Variants in FOCAD observed in about 807,000 individuals in gnomAD.
The protein encoded by FOCAD is KIAA1797.
FOCAD carries 198 observed loss-of-function variants against 225.6 expected under a neutral mutation model. That is an observed-to-expected ratio of 0.88 (90% CI 0.78 to 0.99). FOCAD has a LOEUF of 0.99. FOCAD is among the 50% of genes least tolerant of loss of function. The probability of loss-of-function intolerance (pLI) is 0.00; values close to 1 mark genes in which losing one functional copy is unlikely to be tolerated. For synonymous variants in FOCAD, 897 were observed against 755.0 expected (o/e 1.19, Z -3.08); for missense variants, 2,713 against 2,123.6 (o/e 1.28, Z -5.46).
intron 1 of FOCAD, among the ~76,000 whole-genome samples, chr9:20,714,853 C>A (rs1445511347): frequency 6.6e-6 from 1 of 152,080 alleles, no homozygotes; most frequent in Non-Finnish European, 1.5e-5. Flanking sequence ...CTTTTCTATA[C>A]TTCTTGAAAA....
chr9:20,834,670 CTA>C (rs1180063973), intron 15 of FOCAD, among the ~76,000 whole-genome samples: 2 of 152,088 alleles, frequency 1.3e-5, no homozygotes, highest in African/African-American at 2.4e-5. Flanking sequence ...CAAAACTAAT[CTA>C]TGTGTGTAGA....
chr9:20,708,359 C>T (rs1401599921), intron 1 of FOCAD, among the ~76,000 whole-genome samples: 1 of 152,048 alleles, frequency 6.6e-6, no homozygotes, highest in African/African-American at 2.4e-5. Context: ...AAGAAAAGTC[C>T]TGGATTTTGT....
In FOCAD at chr9:20,677,497, A is replaced by G. The variant is rs191060047; in HGVS notation, c.-77-17023A>G. Among the ~76,000 whole-genome samples the G allele has an allele frequency of 4.9e-4, 75 of 152,330 alleles. No homozygotes were observed. The East Asian group carries it at 9.6e-3, about 20-fold the overall frequency. ...TAAAGGGTTAATATAGAAAATACAAAGAATTCAGCTTAATAGCAAAAAAAC... is the reference window on the plus strand; with the variant it reads ...TAAAGGGTTAATATAGAAAATACAAGGAATTCAGCTTAATAGCAAAAAAAC... On this transcript the variant is annotated intron_variant, in intron 2 of 45. Transcript: ENST00000380249.
At chr9:20,758,926 A>G (rs1266638863) in intron 6 of FOCAD, among the ~76,000 whole-genome samples, 1 of 152,188 alleles carries the variant, frequency 6.6e-6, no homozygotes, top group African/African-American at 2.4e-5. Context: ...AAGTCTCAGG[A>G]TACAAACTCA....
chr9:20,878,905 G>A (rs1830447388), intron 19 of FOCAD, among the ~76,000 whole-genome samples: 1 of 152,152 alleles, frequency 6.6e-6, no homozygotes, highest in South Asian at 2.1e-4. Flanking sequence ...GTTGAGCCTG[G>A]AGTTCTGATG....
At chr9:20,771,823 TG>T (rs1440643303) in intron 8 of FOCAD, among the ~76,000 whole-genome samples, 1 of 152,174 alleles carries the variant, frequency 6.6e-6, no homozygotes, top group Non-Finnish European at 1.5e-5. Flanking sequence ...AAGCACAGGG[TG>T]CTGGCTGATT....
At chr9:20,848,762 C>T (rs931189928) in intron 15 of FOCAD, among the ~76,000 whole-genome samples, 6 of 151,834 alleles carry the variant, frequency 4.0e-5, no homozygotes, top group African/African-American at 1.5e-4. Context: ...ACCAGGGGCA[C>T]TATGTCATGT....
chr9:20,922,591 C>T (rs1024773708), intron 24 of FOCAD, among the ~76,000 whole-genome samples: 1 of 152,180 alleles, frequency 6.6e-6, no homozygotes, highest in African/African-American at 2.4e-5. Flanking sequence ...GTACTAGGCT[C>T]ATTTAGGGAG....
chr9:20,980,335 C>G (rs1318601680), intron 37 of FOCAD, among the ~76,000 whole-genome samples: 1 of 152,090 alleles, frequency 6.6e-6, no homozygotes, highest in Non-Finnish European at 1.5e-5. Flanking sequence ...GAGTTCAAAG[C>G]CCTGTTCTAT....
At chr9:20,951,934 C>T (rs182225056) in intron 34 of FOCAD, among the ~76,000 whole-genome samples, 5 of 152,162 alleles carry the variant, frequency 3.3e-5, no homozygotes, top group African/African-American at 7.2e-5. Flanking sequence ...ATGGCATTAA[C>T]GTAAATGTGG....
intron 11 of FOCAD, among the ~76,000 whole-genome samples, chr9:20,794,592 G>C (rs4333699): frequency 0.88 from 133,985 of 152,226 alleles, 59,089 homozygotes; most frequent in African/African-American, 0.93. Flanking sequence ...TGTTAGGACC[G>C]TCTGAAAGCT....
intron 10 of FOCAD, 36 bp downstream of exon 10, chr9:20,781,965 G>T: frequency 6.3e-7 from 1 of 1,583,124 alleles, no homozygotes; most frequent in Non-Finnish European, 8.7e-7. Context: ...TAAATAAAGT[G>T]TCGATGTGGG....
At chr9:20,880,576 A>G (rs1021539673) in intron 19 of FOCAD, among the ~76,000 whole-genome samples, 1 of 152,200 alleles carries the variant, frequency 6.6e-6, no homozygotes, top group African/African-American at 2.4e-5. Context: ...GATAGAGGAT[A>G]GATAAGAAGG....
At chr9:20,714,634 G>GCCTTCCTT (rs749635014) in intron 1 of FOCAD, among the ~76,000 whole-genome samples, 9 of 120,120 alleles carry the variant, frequency 7.5e-5, no homozygotes, top group East Asian at 2.4e-4. Context: ...CTGCCTGCCT[G>GCCTTCCTT]CCTTCCTTCC....
Position 20,953,059 on chromosome 9 carries a change from A to T in FOCAD, c.4126A>T (p.Lys1376Ter), listed in dbSNP as rs1384866079. The T allele has an allele frequency of 8.7e-6, 14 of 1,612,032 alleles. No individual in the cohort carries two copies. Among genetic ancestry groups the T allele is most frequent in the Non-Finnish European group, 1.2e-5 (14 of 1,179,068 alleles). Residue 1376 changes from lysine (K) to a stop codon, truncating the protein, a stop_gained, in exon 35 of 44, where the codon AAA becomes TAA. Coordinates refer to ENST00000338382, the MANE Select transcript of FOCAD (RefSeq NM_001375567.1). LOFTEE classifies it high-confidence loss of function. ...AAIGFFITGGKKGPESVPPSL... is the reference protein window; with the variant it reads ...AAIGFFITGG ...TATTGGCTTCTTCATTACAGGAGGA[A>T]AAAAAGGCAAGTGAGCACATTTCTT...
At chr9:20,919,990 C>T (rs1206701030) in intron 24 of FOCAD, among the ~76,000 whole-genome samples, 3 of 151,800 alleles carry the variant, frequency 2.0e-5, no homozygotes, top group Non-Finnish European at 4.4e-5. Flanking sequence ...AGAGCTTCAG[C>T]ACAGCAAAAG....
At chr9:20,726,990 G>A (rs994807310) in intron 4 of FOCAD, among the ~76,000 whole-genome samples, 2 of 152,126 alleles carry the variant, frequency 1.3e-5, no homozygotes, top group Admixed American at 6.6e-5. Context: ...CAGCTGGGGT[G>A]TCAGAGCATT....
chr9:20,753,815 G>T (rs1828793418), intron 5 of FOCAD, among the ~76,000 whole-genome samples: 1 of 150,294 alleles, frequency 6.7e-6, no homozygotes, highest in Admixed American at 6.6e-5. Flanking sequence ...CGATGATAAT[G>T]TGCAGTGTTT....
Position 20,995,537 on chromosome 9 carries a change from C to T in FOCAD, c.5333-19C>T. On this transcript the variant is annotated intron_variant, in intron 43 of 43. Transcript: ENST00000338382. Reference sequence around the variant, plus strand: ...ATGACCTTTTCAAATGCAGCCATACCTATATTTTGTCCCCTTAGCCACCCT... The same window carrying T: ...ATGACCTTTTCAAATGCAGCCATACTTATATTTTGTCCCCTTAGCCACCCT... 2 of 1,604,430 alleles carry T rather than the reference C, an allele frequency of 1.2e-6. No individual in the cohort carries two copies.
Sources: allele counts gnomAD v4.1 joint callset (sites outside exome capture counted in the v4.1 genomes callset), GRCh38; gene constraint gnomAD v4.1.1; transcripts MANE v1.5; gene names NCBI Gene and HGNC (gene_info 2026-07-23, HGNC 2026-07-21).